The following EPHA5 variants were observed in gnomAD, a reference collection of about 807,000 sequenced individuals.
EPHA5 encodes EPH receptor A5.
Under a neutral mutation model 105.0 loss-of-function variants are expected in EPHA5, and 60 were observed. The ratio of observed to expected loss-of-function variants is 0.57; its 90% confidence interval spans 0.46 to 0.71. The LOEUF (loss-of-function observed/expected upper bound fraction) is 0.71. Among genes scored for constraint, EPHA5 ranks in the 30% least tolerant of loss-of-function variants. The pLI is 0.00. For synonymous variants in EPHA5, 513 were observed against 449.1 expected, an observed-to-expected ratio of 1.14 and a Z score of -1.80; for missense variants, 1,218 against 1,274.7, an observed-to-expected ratio of 0.96 and a Z score of 0.68.
At chr4:65,650,895 T>A (rs1330272278) in intron 1 of EPHA5, among the ~76,000 whole-genome samples, 1 of 152,196 alleles carries the variant, frequency 6.6e-6, no homozygotes, top group Admixed American at 6.5e-5. Context: ...CTTGTAATAT[T>A]CTTATTATTT....
At chr4:65,395,943 A>T (rs891086680) in intron 8 of EPHA5, among the ~76,000 whole-genome samples, 7 of 152,212 alleles carry the variant, frequency 4.6e-5, no homozygotes, top group African/African-American at 1.7e-4. Flanking sequence ...CTATGGAGCC[A>T]GCAGAAGATG....
intron 2 of EPHA5, among the ~76,000 whole-genome samples, chr4:65,609,607 GAT>G (rs1049888865): frequency 3.1e-5 from 3 of 96,554 alleles, no homozygotes; most frequent in African/African-American, 8.8e-5. Context: ...TGGCAAGCTA[GAT>G]ATTTTTTTTT....
intron 2 of EPHA5, among the ~76,000 whole-genome samples, chr4:65,627,006 C>T (rs1253234936): frequency 2.0e-5 from 3 of 152,084 alleles, no homozygotes; most frequent in African/African-American, 7.2e-5. Context: ...CCTGATCTGG[C>T]CATCCAACAT....
chr4:65,374,043 A>G (rs1718751722), intron 8 of EPHA5, among the ~76,000 whole-genome samples: 1 of 151,976 alleles, frequency 6.6e-6, no homozygotes, highest in Non-Finnish European at 1.5e-5. Context: ...AACATTAGAA[A>G]GTAGAGACAT....
intron 3 of EPHA5, among the ~76,000 whole-genome samples, chr4:65,554,161 A>G (rs894966214): frequency 2.0e-5 from 3 of 150,892 alleles, no homozygotes; most frequent in Admixed American, 2.0e-4. Context: ...AAGGAAAAAA[A>G]AAATTGAGAA....
intron 3 of EPHA5, among the ~76,000 whole-genome samples, chr4:65,598,143 T>C (rs1386982233): frequency 3.3e-5 from 5 of 152,208 alleles, no homozygotes; most frequent in African/African-American, 1.2e-4. Flanking sequence ...AATGTCATCA[T>C]GTAATATGGC....
At chr4:65,556,274 G>A (rs1424221355) in intron 3 of EPHA5, among the ~76,000 whole-genome samples, 2 of 152,098 alleles carry the variant, frequency 1.3e-5, no homozygotes, top group Non-Finnish European at 2.9e-5. Flanking sequence ...CTACTGTGAT[G>A]TCAATAAAAT....
In EPHA5 at chr4:65,323,912, G is replaced by C. The variant is rs577289943; in HGVS notation, c.*202C>G. The C allele has an allele frequency of 1.1e-5, 5 of 435,342 alleles. No homozygotes were observed. Among genetic ancestry groups the C allele is most frequent in the Non-Finnish European group, 2.1e-5 (5 of 241,388 alleles). The allele number at this position is 435,342 out of a possible 1,614,324, so 27.0% of individuals were successfully genotyped here. ...GTCCCTTTTAATGCAAGATATGTTT[G>C]CTTCATGAAAAATGAAGACTAAGGA... On this transcript the variant is annotated 3_prime_UTR_variant, in exon 17 of 17. Transcript: ENST00000613740.
chr4:65,513,442 A>C (rs1733814107), intron 3 of EPHA5, among the ~76,000 whole-genome samples: 1 of 152,014 alleles, frequency 6.6e-6, no homozygotes, highest in Admixed American at 6.6e-5. Context: ...GCTGGAGTGC[A>C]GTGACGCAAT....
At chr4:65,353,891 G>A (rs1723063246) in intron 11 of EPHA5, among the ~76,000 whole-genome samples, 1 of 151,642 alleles carries the variant, frequency 6.6e-6, no homozygotes, top group South Asian at 2.1e-4. Context: ...TAATTGTTAT[G>A]TGAAAGATTT....
chr4:65,329,188 T>C (rs1351770364), intron 16 of EPHA5, among the ~76,000 whole-genome samples: 2 of 151,348 alleles, frequency 1.3e-5, no homozygotes, highest in East Asian at 3.9e-4. Context: ...CAAGATGAGA[T>C]AGTTTGCACC....
chr4:65,536,435 G>A (rs578260156), intron 3 of EPHA5, among the ~76,000 whole-genome samples: 1 of 151,722 alleles, frequency 6.6e-6, no homozygotes, highest in South Asian at 2.1e-4. Context: ...TCTGGTCTAG[G>A]GTATAAGTGA....
intron 8 of EPHA5, among the ~76,000 whole-genome samples, chr4:65,370,751 G>A (rs1718379359): frequency 6.6e-6 from 1 of 152,088 alleles, no homozygotes; most frequent in African/African-American, 2.4e-5. Flanking sequence ...AGAGTCAGGA[G>A]GGCAATTGAA....
At chr4:65,653,171 C>T (rs1748759578) in intron 1 of EPHA5, among the ~76,000 whole-genome samples, 1 of 151,940 alleles carries the variant, frequency 6.6e-6, no homozygotes, top group South Asian at 2.1e-4. Context: ...ATGAGGATTA[C>T]AGGAGACAGA....
chr4:65,632,398 A>AAGAG (rs1264177584), intron 2 of EPHA5, among the ~76,000 whole-genome samples: 6,705 of 151,980 alleles, frequency 0.044, 484 homozygotes, highest in African/African-American at 0.15. Context: ...TTACCACCAT[A>AAGAG]ATCTCTGTGC....
chr4:65,466,342 A>G (rs1728713099), intron 5 of EPHA5, among the ~76,000 whole-genome samples: 1 of 152,246 alleles, frequency 6.6e-6, no homozygotes, highest in African/African-American at 2.4e-5. Flanking sequence ...CAAAAAAGGC[A>G]AATGTACCTG....
At chr4:65,654,876 TTA>T (rs1237028816) in intron 1 of EPHA5, among the ~76,000 whole-genome samples, 1 of 147,220 alleles carries the variant, frequency 6.8e-6, no homozygotes, top group Non-Finnish European at 1.5e-5. Context: ...ATATATTTAT[TTA>T]TATATATTAA....
At position 65,320,288 on chromosome 4, in the gene EPHA5, T is replaced by G. The variant is rs1465265319; in HGVS notation, c.*3826A>C. ...AATGATGACTTATTTTACTTATTAA[T>G]GTCAAATAAAGCTAGCATTTTGATT... On this transcript the variant is annotated 3_prime_UTR_variant, in exon 17 of 17. Transcript: ENST00000613740. 1 of 230,240 alleles carries G rather than the reference T, an allele frequency of 4.3e-6. No homozygotes were observed. The highest frequency in any genetic ancestry group is 8.6e-6 in the Non-Finnish European group (1 of 116,196). The allele number at this position is 230,240 out of a possible 1,614,324, so 14.3% of individuals were successfully genotyped here. A position where few individuals can be genotyped will look rare whatever the true frequency, so the allele number is the denominator to read the frequency against.
intron 2 of EPHA5, among the ~76,000 whole-genome samples, chr4:65,639,984 T>C (rs905383397): frequency 6.6e-6 from 1 of 152,376 alleles, no homozygotes; most frequent in South Asian, 2.1e-4. Context: ...CATTTTCTTT[T>C]AGTTCTTTAC....
Sources: gnomAD v4.1 joint callset for allele counts (sites outside exome capture counted in the v4.1 genomes callset) on GRCh38, gnomAD v4.1.1 for gene constraint, MANE v1.5 for transcripts, NCBI Gene and HGNC (gene_info 2026-07-23, HGNC 2026-07-21) for gene names.